Variants in NLRP5 observed in about 807,000 individuals in gnomAD.
NLRP5 encodes the protein NACHT, LRR and PYD domains-containing protein 5.
A neutral mutation model predicts 113.1 loss-of-function variants in NLRP5; 93 were observed. The ratio of observed to expected loss-of-function variants is 0.82; its 90% CI spans 0.70 to 0.98. The LOEUF (loss-of-function observed/expected upper bound fraction) is 0.98, where lower values mean the gene tolerates loss of function less well. NLRP5 is among the 50% of genes least tolerant of loss of function. NLRP5 has a pLI of 0.00. For synonymous variants in NLRP5, 751 were observed against 600.7 expected (o/e 1.25, Z -3.66); for missense variants, 1,808 against 1,514.3 (o/e 1.19, Z -3.22).
At chr19:55,995,742 A>C (rs1009479427), upstream of NLRP5, among the ~76,000 whole-genome samples, 5 of 152,006 alleles carry the variant, frequency 3.3e-5, no homozygotes, top group African/African-American at 9.7e-5. Context: ...ATTTTTATCT[A>C]TCCTCTTCAA....
chr19:56,002,729 C>T (rs140596722), intron 1 of NLRP5, among the ~76,000 whole-genome samples: 3,089 of 148,850 alleles, frequency 0.021, 100 homozygotes, highest in Middle Eastern at 0.041. Context: ...GGCTTTTTGT[C>T]CTTGCGATAG....
chr19:55,996,818 C>G (rs1022487951), upstream of NLRP5, among the ~76,000 whole-genome samples: 1 of 152,126 alleles, frequency 6.6e-6, no homozygotes, highest in Non-Finnish European at 1.5e-5. Flanking sequence ...GTCTTTATAG[C>G]AACATGATTT....
At chr19:56,054,485 G>C (rs1463738499) in intron 13 of NLRP5, among the ~76,000 whole-genome samples, 1 of 151,080 alleles carries the variant, frequency 6.6e-6, no homozygotes, top group African/African-American at 2.4e-5. Flanking sequence ...TTGAACCCAG[G>C]AGGTGGAGGT....
chr19:56,059,548 T>C (rs1984278369), intron 14 of NLRP5, among the ~76,000 whole-genome samples: 1 of 152,212 alleles, frequency 6.6e-6, no homozygotes, highest in African/African-American at 2.4e-5. Flanking sequence ...TTTTAAGTTT[T>C]TTGAGATGGA....
chr19:56,061,696 G>A lies in NLRP5; in HGVS notation c.*168G>A. On this transcript the variant is annotated 3_prime_UTR_variant, in exon 15 of 15. Transcript: ENST00000390649. The stretch of plus-strand genomic sequence containing the variant: ...ATTCTTCTGTGTTCACTCTACGTTG[G>A]TTACTGGATTTGAAGGCTAGAGACC... 1 of 740,606 alleles carries A rather than the reference G, an allele frequency of 1.4e-6. No individual in the cohort carries two copies. The highest frequency in any genetic ancestry group is 2.2e-6 in the Non-Finnish European group (1 of 454,370). 45.9% of individuals were successfully genotyped at this position (740,606 alleles called of 1,614,324 possible).
At chr19:56,054,567 GAAAAAAA>G (rs10537523) in intron 13 of NLRP5, among the ~76,000 whole-genome samples, 1 of 139,156 alleles carries the variant, frequency 7.2e-6, no homozygotes, top group Non-Finnish European at 1.5e-5. Flanking sequence ...CAAAAAAAGT[GAAAAAAA>G]AAAAAAAAAA....
In NLRP5 at chr19:56,058,389, C is replaced by G; in HGVS notation, c.3449C>G (p.Thr1150Arg). The G allele has an allele frequency of 1.2e-6, 2 of 1,613,552 alleles. No individual in the cohort carries two copies. Among genetic ancestry groups the G allele is most frequent in the Non-Finnish European group, 1.7e-6 (2 of 1,179,666 alleles). Residue 1150 changes from threonine to arginine, a missense_variant, in exon 14 of 15, where the codon ACG becomes AGG. Thr to Arg is a moderately conservative substitution (Grantham distance 71, BLOSUM62 -1). Transcript: ENST00000390649. ...CTGTGTTCGGCCTTTGCCTGTCCCA[C>G]GTCTAACTTACAGATAATTGGGTAA...
At chr19:56,014,911 T>C (rs1215769154) in intron 3 of NLRP5, among the ~76,000 whole-genome samples, 1 of 152,196 alleles carries the variant, frequency 6.6e-6, no homozygotes, top group Non-Finnish European at 1.5e-5. Context: ...TGACTTTTAG[T>C]ATCAATCAGC....
intron 9 of NLRP5, among the ~76,000 whole-genome samples, chr19:56,035,061 C>T (rs938719158): frequency 6.6e-6 from 1 of 152,072 alleles, no homozygotes; most frequent in Non-Finnish European, 1.5e-5. Context: ...GCCTCAGCCT[C>T]CCAAGTAGCT....
upstream of NLRP5, among the ~76,000 whole-genome samples, chr19:55,998,106 C>T (rs907356642): frequency 1.3e-5 from 2 of 152,098 alleles, no homozygotes; most frequent in African/African-American, 4.8e-5. Context: ...TAATGAAAAC[C>T]TTGCCTCTTT....
intron 11 of NLRP5, 65 bp from the exon 12 acceptor site, chr19:56,050,353 G>C (rs199475783): frequency 1.4e-6 from 2 of 1,477,102 alleles, no homozygotes; most frequent in Non-Finnish European, 1.9e-6. Flanking sequence ...GAGAGCAGCA[G>C]CTCACTTGAG....
At chr19:56,003,407 G>T (rs1442096618) in intron 1 of NLRP5, among the ~76,000 whole-genome samples, 1 of 152,188 alleles carries the variant, frequency 6.6e-6, no homozygotes, top group Non-Finnish European at 1.5e-5. Flanking sequence ...ACCTGCCTTG[G>T]TCTCCCAAAG....
upstream of NLRP5, among the ~76,000 whole-genome samples, chr19:55,998,994 AATAC>A (rs1981495066): frequency 6.6e-6 from 1 of 151,532 alleles, no homozygotes; most frequent in African/African-American, 2.4e-5. Context: ...TGGCAGGTTA[AATAC>A]ATCATTATTA....
intron 12 of NLRP5, among the ~76,000 whole-genome samples, chr19:56,052,549 C>T (rs1380286222): frequency 3.3e-5 from 5 of 152,144 alleles, no homozygotes; most frequent in African/African-American, 4.8e-5. Flanking sequence ...GGATTAGAGG[C>T]GTGAGCCACT....
In NLRP5 at chr19:56,024,584, T is replaced by TACACACACACACACAC. The variant is rs369128981; in HGVS notation, c.680-2325_680-2310dup. Among the ~76,000 whole-genome samples the TACACACACACACACAC allele has an allele frequency of 1.6e-3, 236 of 147,312 alleles. 1 individual carries two copies. Among genetic ancestry groups the TACACACACACACACAC allele is most frequent in the African/African-American group, 5.6e-3 (225 of 39,914 alleles). ...ATGTATATATACACATATATATACA[T>TACACACACACACACAC]ACACACACACACACACACATGAAAT... is the stretch of plus-strand genomic sequence containing the variant. On this transcript the variant is annotated intron_variant, in intron 6 of 14. Coordinates refer to ENST00000390649, the MANE Select transcript of NLRP5 (RefSeq NM_153447.4).
Position 56,061,351 on chromosome 19 carries a change from T to A in NLRP5, c.3471-45T>A, listed in dbSNP as rs141557643. ...AGGAATTTTGAAGAAGGGAGAAGAG[T>A]CGAAAGCAACATCTCAGTAACGAGT... On this transcript the variant is annotated intron_variant, in intron 14 of 14. Coordinates refer to ENST00000390649, the MANE Select transcript of NLRP5 (RefSeq NM_153447.4). The A allele has an allele frequency of 1.9e-4, 297 of 1,591,142 alleles. 1 individual carries two copies. In the African/African-American group the frequency reaches 2.7e-3, roughly 15 times the overall value.
intron 11 of NLRP5, among the ~76,000 whole-genome samples, chr19:56,049,410 A>G (rs1470333738): frequency 6.6e-6 from 1 of 151,980 alleles, no homozygotes; most frequent in Non-Finnish European, 1.5e-5. Context: ...CGAACTTCCA[A>G]CCTCGGGTGA....
chr19:56,024,976 C>T (rs556018702), intron 6 of NLRP5, among the ~76,000 whole-genome samples: 209 of 152,036 alleles, frequency 1.4e-3, no homozygotes, highest in Non-Finnish European at 2.1e-3. Flanking sequence ...CCTGTCAGAT[C>T]GGATGTGGCA....
chr19:55,996,371 C>G (rs1477001532), upstream of NLRP5, among the ~76,000 whole-genome samples: 1 of 152,038 alleles, frequency 6.6e-6, no homozygotes, highest in Non-Finnish European at 1.5e-5. Flanking sequence ...TTCTTTTATA[C>G]TTTAAGTTCT....
Sources: gnomAD v4.1 joint callset for allele counts (sites outside exome capture counted in the v4.1 genomes callset) on GRCh38, gnomAD v4.1.1 for gene constraint, MANE v1.5 for transcripts, NCBI Gene and HGNC (gene_info 2026-07-23, HGNC 2026-07-21) for gene names.